MLXIPL: variants seen among roughly 807,000 people sequenced by gnomAD.
The protein encoded by MLXIPL is carbohydrate-responsive element-binding protein.
MLXIPL carries 49 observed loss-of-function variants against 81.5 expected under a neutral mutation model. That is an observed-to-expected ratio of 0.60 (90% CI 0.48 to 0.76). The LOEUF (loss-of-function observed/expected upper bound fraction) is 0.76. Among genes scored for constraint, MLXIPL ranks in the 30% least tolerant of loss-of-function variants. The pLI, the probability that MLXIPL is intolerant of heterozygous loss-of-function variation, is 0.00. For missense variants in MLXIPL, 1,053 were observed against 1,167.0 expected (o/e 0.90, Z 1.42); for synonymous variants, 466 against 485.5 (o/e 0.96, Z 0.53).
At chr7:73,603,839 G>A (rs1554597105) in intron 7 of MLXIPL, among the ~76,000 whole-genome samples, 1 of 152,228 alleles carries the variant, frequency 6.6e-6, no homozygotes, top group African/African-American at 2.4e-5. Flanking sequence ...ACTGACAGGA[G>A]CATCTCTGGG....
Position 73,606,063 on chromosome 7 carries a change from A to T in MLXIPL, c.667T>A (p.Ser223Thr), listed in dbSNP as rs782660132. The change falls in exon 6 of 17, where the codon TCC becomes ACC. Residue 223 changes from serine to threonine, a missense_variant. Physicochemically the swap from Ser to Thr is moderately conservative, Grantham distance 58 (BLOSUM62 1). Around this residue, in one of 3 missense-constraint regions of MLXIPL, gnomAD observed 823 missense variants for 933.0 expected, o/e 0.88. Transcript: ENST00000313375. ...PPEQWCKQLF[S>T]SVVPVLLGDP... The stretch of plus-strand genomic sequence containing the variant: ...CCCAGCAGCACGGGGACCACACTGG[A>T]GAAGAGCTGTTTGCACCATTGCTCC... 3.1e-6 allele frequency: 5 copies of T among 1,592,760 alleles called. No individual in the cohort carries two copies. In the Admixed American group the frequency reaches 8.8e-5, roughly 28 times the overall value.
chr7:73,605,948 T>A lies in MLXIPL; in HGVS notation c.782A>T (p.Gln261Leu). Reference sequence around the variant, plus strand: ...CAGCTGCAGGGGCGAAGGGCCGGACTGAGTCATGGTGAAGAGAGTGTCTGA... The same window carrying A: ...CAGCTGCAGGGGCGAAGGGCCGGACAGAGTCATGGTGAAGAGAGTGTCTGA... ...DISDTLFTMTQSGPSPLQLPP... is the reference protein window; with the variant it reads ...DISDTLFTMTLSGPSPLQLPP... Residue 261 changes from glutamine (Q) to leucine (L), a missense_variant, in exon 6 of 17, where the codon CAG (glutamine) becomes CTG (leucine). Physicochemically the swap from Gln to Leu is moderately radical, Grantham distance 113. Around this residue, in one of 3 missense-constraint regions of MLXIPL, gnomAD observed 823 missense variants for 933.0 expected, o/e 0.88. Coordinates refer to ENST00000313375, the MANE Select transcript of MLXIPL (RefSeq NM_032951.3). The A allele has an allele frequency of 6.3e-7, 1 of 1,596,424 alleles. No individual in the cohort carries two copies. The highest frequency in any genetic ancestry group is 8.5e-7 in the Non-Finnish European group (1 of 1,171,332).
At chr7:73,632,563 C>T in the MLXIPL span, among the ~76,000 whole-genome samples, 225 of 152,244 alleles carry the variant, frequency 1.5e-3, 1 homozygote, top group African/African-American at 5.2e-3. Context: ...TGTCCTAGTG[C>T]AGATCCAGGG....
the MLXIPL span, among the ~76,000 whole-genome samples, chr7:73,643,618 A>AGTAT: frequency 1.3e-4 from 20 of 152,132 alleles, no homozygotes; most frequent in African/African-American, 4.3e-4. Context: ...GCAGAGCCCA[A>AGTAT]GTATGTCTTT....
Position 73,593,928 on chromosome 7 carries a change from CGGGTCGGTCA to C in MLXIPL, c.2486_2495del (p.Leu829ArgfsTer123). ...GTGTGGCTTGCTCAGGGATGCGGCC[CGGGTCGGTCA>C]GGATACTGGTAGATGTGCCCAGCTG... On this transcript the variant is annotated frameshift_variant, in exon 17 of 17. Coordinates refer to ENST00000313375, the MANE Select transcript of MLXIPL (RefSeq NM_032951.3). LOFTEE classifies it high-confidence loss of function. The C allele has an allele frequency of 6.2e-7, 1 of 1,614,042 alleles. No homozygotes were observed. Among genetic ancestry groups the C allele is most frequent in the Non-Finnish European group, 8.5e-7 (1 of 1,179,992 alleles).
At chr7:73,602,126 G>GCCTTCCTT (rs1317199546) in intron 7 of MLXIPL, among the ~76,000 whole-genome samples, 1,161 of 76,068 alleles carry the variant, frequency 0.015, 22 homozygotes, top group African/African-American at 0.043. Context: ...CTGCCTGCCT[G>GCCTTCCTT]CCTGCCTTCC....
At chr7:73,633,265 G>T in the MLXIPL span, among the ~76,000 whole-genome samples, 13 of 151,322 alleles carry the variant, frequency 8.6e-5, no homozygotes, top group East Asian at 1.9e-4. Flanking sequence ...TCTATTTTTA[G>T]TAGAGACGGG....
chr7:73,641,289 C>A, the MLXIPL span, among the ~76,000 whole-genome samples: 1 of 152,102 alleles, frequency 6.6e-6, no homozygotes, highest in African/African-American at 2.4e-5. Flanking sequence ...TCCTCTTTCC[C>A]CAGGAGGTTG....
chr7:73,607,730 A>C, intron 2 of MLXIPL, 58 bp from the exon 3 acceptor site: 1 of 1,498,446 alleles, frequency 6.7e-7, no homozygotes, highest in South Asian at 1.1e-5. Flanking sequence ...ACCTCACCCC[A>C]GGGGACTGGG....
the MLXIPL span, among the ~76,000 whole-genome samples, chr7:73,632,790 C>CCTTT: frequency 7.8e-6 from 1 of 127,704 alleles, no homozygotes; most frequent in Non-Finnish European, 1.7e-5. Context: ...TTCCTTCCTT[C>CCTTT]CTTCCTTCCG....
intron 1 of MLXIPL, among the ~76,000 whole-genome samples, chr7:73,619,460 C>CA (rs1463451518): frequency 0.02 from 1,757 of 87,410 alleles, 13 homozygotes; most frequent in Middle Eastern, 0.035. Context: ...GACTCCATCT[C>CA]AAAAAAAAAA....
chr7:73,624,559 G>A (rs1796607088), upstream of MLXIPL: 2 of 1,458,278 alleles, frequency 1.4e-6, no homozygotes, highest in Non-Finnish European at 1.8e-6. Flanking sequence ...TTGGCCAGCC[G>A]GGCCTCATTA....
At chr7:73,631,558 CTTTT>C in the MLXIPL span, among the ~76,000 whole-genome samples, 253 of 69,636 alleles carry the variant, frequency 3.6e-3, 3 homozygotes, top group African/African-American at 7.8e-3. Flanking sequence ...GATGTTGCTA[CTTTT>C]TTTTTTTTTT....
intron 1 of MLXIPL, 46 bp from the exon 2 acceptor site, chr7:73,616,223 A>C (rs1796000992): frequency 6.7e-7 from 1 of 1,496,334 alleles, no homozygotes; most frequent in Non-Finnish European, 9.3e-7. Context: ...CAGTGCTGCC[A>C]CAGAGGCTGG....
At chr7:73,594,534 G>A in intron 15 of MLXIPL, 131 bp from the exon 16 acceptor site, 1 of 1,117,712 alleles carries the variant, frequency 8.9e-7, no homozygotes, top group South Asian at 1.4e-5. Flanking sequence ...AATGACTCAT[G>A]TTGCAGCCCC....
At position 73,596,349 on chromosome 7, in the gene MLXIPL, G is replaced by T. The variant is rs1554593826; in HGVS notation, c.1938+15C>A. On this transcript the variant is annotated intron_variant, in intron 12 of 16. Transcript: ENST00000313375. The surrounding 1 kb of genome is among the most constrained non-coding windows in gnomAD (Gnocchi z 4.7). ...GGGGTAGCAAACCGATCTTGGGGTG[G>T]GGGATGGTGCCCACCTTGTTGCTGT... The T allele has an allele frequency of 4.3e-6, 7 of 1,613,216 alleles. No individual in the cohort carries two copies. The highest frequency in any genetic ancestry group is 4.2e-6 in the Non-Finnish European group (5 of 1,179,902).
At chr7:73,605,572 G>GAAAAAA in intron 7 of MLXIPL, 116 bp downstream of exon 7, 1 of 891,644 alleles carries the variant, frequency 1.1e-6, no homozygotes, top group South Asian at 1.5e-5. Context: ...TAAAAAGACA[G>GAAAAAA]AAAAAAAGAA....
At chr7:73,631,153 T>C in the MLXIPL span, among the ~76,000 whole-genome samples, 23,483 of 151,678 alleles carry the variant, frequency 0.15, 2,116 homozygotes, top group African/African-American at 0.25. Context: ...GGACTACAGG[T>C]GCCCGCCACC....
At chr7:73,607,219 G>A (rs1554598474) in intron 4 of MLXIPL, 112 bp downstream of exon 4, 2 of 1,306,182 alleles carry the variant, frequency 1.5e-6, no homozygotes, top group Non-Finnish European at 2.1e-6. Flanking sequence ...GAGGGCCCGA[G>A]GGGCGCAAGC....
Sources: gnomAD v4.1 joint callset for allele counts (sites outside exome capture counted in the v4.1 genomes callset) on GRCh38, gnomAD v4.1.1 for gene constraint, gnomAD v4.1.1 regional missense constraint, Gnocchi (gnomAD v3.1) non-coding constraint, MANE v1.5 for transcripts, NCBI Gene and HGNC (gene_info 2026-07-23, HGNC 2026-07-21) for gene names.